VOPP1: variants seen among roughly 807,000 people sequenced by gnomAD.
VOPP1 encodes the protein WW domain binding protein VOPP1.
VOPP1 carries 8 observed loss-of-function variants against 23.5 expected under a neutral mutation model. The ratio of observed to expected loss-of-function variants is 0.34; its 90% CI spans 0.20 to 0.61. The LOEUF (loss-of-function observed/expected upper bound fraction) is 0.61. VOPP1 is among the 20% of genes least tolerant of loss of function. The pLI is 0.78. For synonymous variants in VOPP1, 83 were observed against 97.3 expected, an observed-to-expected ratio of 0.85 and a Z score of 0.86; for missense variants, 174 against 238.1, an observed-to-expected ratio of 0.73 and a Z score of 1.77.
intron 1 of VOPP1, among the ~76,000 whole-genome samples, chr7:55,546,205 T>C (rs148931349): frequency 6.6e-6 from 1 of 152,236 alleles, no homozygotes; most frequent in Non-Finnish European, 1.5e-5. Flanking sequence ...GACTCAGTCA[T>C]GAGGAGGGCA....
intron 2 of VOPP1, among the ~76,000 whole-genome samples, chr7:55,519,876 C>A (rs573786145): frequency 2.6e-5 from 4 of 152,324 alleles, no homozygotes; most frequent in Admixed American, 2.0e-4. Context: ...GCCTCTAATC[C>A]CAGCACTTTG....
At chr7:55,568,326 G>A (rs556664243) in intron 1 of VOPP1, among the ~76,000 whole-genome samples, 19 of 152,184 alleles carry the variant, frequency 1.2e-4, no homozygotes, top group East Asian at 3.9e-4. Flanking sequence ...TGATCCACCC[G>A]CCTCGCCCAA....
chr7:55,519,580 T>A (rs1156329174), intron 2 of VOPP1, among the ~76,000 whole-genome samples: 1 of 152,216 alleles, frequency 6.6e-6, no homozygotes, highest in East Asian at 1.9e-4. Context: ...CTTCCTGTTA[T>A]CCCACAACCA....
chr7:55,449,037 G>A (rs1338471993), intron 4 of VOPP1, among the ~76,000 whole-genome samples: 2 of 152,204 alleles, frequency 1.3e-5, no homozygotes, highest in African/African-American at 4.8e-5. Flanking sequence ...GTCCCGGGCT[G>A]TTGGCTAGGG....
rs1348551431 is a variant in VOPP1 at position 55,487,685 on chromosome 7, G to A, written c.328+4597C>T. On this transcript the variant is annotated intron_variant, in intron 4 of 4. Transcript: ENST00000285279. ...CTCTCTTCCCTAACTGCACCTTGAT[G>A]GTCTTGCCGTACCAGCAAATTGTCT... is the stretch of plus-strand genomic sequence containing the variant. 2.6e-5 allele frequency among the ~76,000 whole-genome samples: 4 copies of A among 152,348 alleles called. No homozygotes were observed. The East Asian group carries it at 7.7e-4, about 29-fold the overall frequency.
At chr7:55,561,759 AAAAAC>A (rs1425490494) in intron 1 of VOPP1, 42 of 484,448 alleles carry the variant, frequency 8.7e-5, no homozygotes, top group Non-Finnish European at 1.4e-4. Context: ...AAAAAAAAAA[AAAAAC>A]AAACAAGCAA....
chr7:55,477,446 ATAT>A (rs1216924309), intron 4 of VOPP1, among the ~76,000 whole-genome samples: 8 of 152,146 alleles, frequency 5.3e-5, no homozygotes, highest in African/African-American at 1.9e-4. Flanking sequence ...CCTGTTTCTG[ATAT>A]GACAGGAGTG....
intron 2 of VOPP1, among the ~76,000 whole-genome samples, chr7:55,518,457 G>T (rs1795617253): frequency 6.6e-6 from 1 of 152,210 alleles, no homozygotes; most frequent in Non-Finnish European, 1.5e-5. Context: ...ACAGGCCACG[G>T]CCCCATACTG....
intron 4 of VOPP1, among the ~76,000 whole-genome samples, chr7:55,446,031 C>T (rs1009469823): frequency 1.4e-5 from 2 of 142,084 alleles, no homozygotes; most frequent in African/African-American, 5.3e-5. Context: ...CTCGCTCTGT[C>T]GCCCAGCCTG....
rs573697529 is a variant in VOPP1 at position 55,437,338 on chromosome 7, T to C, written n.418-1164A>G. Among the ~76,000 whole-genome samples the C allele has an allele frequency of 9.8e-5, 15 of 152,330 alleles. No homozygotes were observed. In the East Asian group the frequency reaches 2.9e-3, roughly 29 times the overall value. ...CAGCTGAGGAACTTATTTTGAGTCC[T>C]TGTGTGCCAGAAAGATGTCTTTCAT... On this transcript the variant is annotated intron_variant and non_coding_transcript_variant, in intron 4 of 4. Coordinates refer to the VOPP1 transcript ENST00000462326.
chr7:55,484,720 G>A (rs1329461154), intron 4 of VOPP1, among the ~76,000 whole-genome samples: 1 of 152,198 alleles, frequency 6.6e-6, no homozygotes, highest in Non-Finnish European at 1.5e-5. Context: ...TAACTACAAA[G>A]ACAATGGTTA....
At chr7:55,466,889 T>C (rs1791644422), downstream of VOPP1, among the ~76,000 whole-genome samples, 1 of 152,182 alleles carries the variant, frequency 6.6e-6, no homozygotes, top group Admixed American at 6.5e-5. Context: ...GCCAGGAGCC[T>C]TACCATGTTA....
chr7:55,445,246 C>G (rs1345852845), intron 4 of VOPP1, among the ~76,000 whole-genome samples: 8 of 116,908 alleles, frequency 6.8e-5, no homozygotes, highest in African/African-American at 2.5e-4. Flanking sequence ...CACACACAGA[C>G]ACACACACAC....
chr7:55,554,246 G>C (rs1797725660), intron 1 of VOPP1, among the ~76,000 whole-genome samples: 1 of 152,212 alleles, frequency 6.6e-6, no homozygotes, highest in South Asian at 2.1e-4. Flanking sequence ...TACAGCACCT[G>C]GTTCAGGGCA....
At chr7:55,535,223 A>G (rs1384937726) in intron 1 of VOPP1, among the ~76,000 whole-genome samples, 1 of 151,976 alleles carries the variant, frequency 6.6e-6, no homozygotes, top group Admixed American at 6.5e-5. Flanking sequence ...CTGCTAGAAA[A>G]TCTCCAGGGG....
chr7:55,461,039 G>A (rs946855563), intron 4 of VOPP1, among the ~76,000 whole-genome samples: 3 of 151,846 alleles, frequency 2.0e-5, no homozygotes, highest in Non-Finnish European at 2.9e-5. Context: ...ATATATGATG[G>A]AATACTACTC....
At chr7:55,528,894 A>G (rs1245748841) in intron 1 of VOPP1, among the ~76,000 whole-genome samples, 2 of 152,250 alleles carry the variant, frequency 1.3e-5, no homozygotes, top group Non-Finnish European at 2.9e-5. Flanking sequence ...TAGTTAATTT[A>G]AGACACATTA....
At chr7:55,456,006 G>A (rs1791355881) in intron 4 of VOPP1, among the ~76,000 whole-genome samples, 1 of 152,170 alleles carries the variant, frequency 6.6e-6, no homozygotes, top group Non-Finnish European at 1.5e-5. Flanking sequence ...TATCATCAGA[G>A]TGAACAGGCA....
In VOPP1 at chr7:55,470,805, C is replaced by T. The variant is rs2129005969; in HGVS notation, c.*2050G>A. ...CACTCCAGGAAGTGGGCACAACCCA[C>T]CATCCACACAATGGAAACAAGAATG... is the stretch of plus-strand genomic sequence containing the variant. On this transcript the variant is annotated 3_prime_UTR_variant, in exon 5 of 5. Coordinates refer to ENST00000285279, the MANE Select transcript of VOPP1 (RefSeq NM_030796.5). 1 of 152,350 alleles carries T rather than the reference C, an allele frequency of 6.6e-6. No individual in the cohort carries two copies. The highest frequency in any genetic ancestry group is 2.1e-4 in the South Asian group (1 of 4,816). The allele number at this position is 152,350 out of a possible 1,614,324, so 9.4% of individuals were successfully genotyped here. A position where few individuals can be genotyped will look rare whatever the true frequency, so the allele number is the denominator to read the frequency against.
Sources: allele counts gnomAD v4.1 joint callset (sites outside exome capture counted in the v4.1 genomes callset), GRCh38; gene constraint gnomAD v4.1.1; transcripts MANE v1.5; gene names NCBI Gene and HGNC (gene_info 2026-07-23, HGNC 2026-07-21).